CTNNA3: variants seen among roughly 807,000 people sequenced by gnomAD.
CTNNA3 encodes the protein catenin alpha-3.
In CTNNA3, 76 loss-of-function variants were observed where a neutral mutation model predicts 95.7. That is an observed-to-expected ratio of 0.79 (90% CI 0.66 to 0.96). The LOEUF (loss-of-function observed/expected upper bound fraction) is 0.96. Among genes scored for constraint, CTNNA3 ranks in the 40% least tolerant of loss-of-function variants. CTNNA3 has a pLI of 0.00. For missense variants in CTNNA3, 1,191 were observed against 1,089.8 expected, an observed-to-expected ratio of 1.09 and a Z score of -1.31; for synonymous variants, 431 against 374.4, an observed-to-expected ratio of 1.15 and a Z score of -1.74.
chr10:67,190,971 AGAAAATAAGCATAT>A (rs1390437070), intron 6 of CTNNA3, among the ~76,000 whole-genome samples: 2 of 152,118 alleles, frequency 1.3e-5, no homozygotes, highest in African/African-American at 4.8e-5. Flanking sequence ...ATATACAGAT[AGAAAATAAGCATAT>A]GAAAATAAGC....
At chr10:67,664,588 T>TA (rs918373067) in intron 1 of CTNNA3, among the ~76,000 whole-genome samples, 92 of 152,278 alleles carry the variant, frequency 6.0e-4, no homozygotes, top group Non-Finnish European at 1.1e-3. Flanking sequence ...TTTTTTTTCT[T>TA]ACTCCTGGCT....
intron 3 of CTNNA3, among the ~76,000 whole-genome samples, chr10:67,574,194 C>T (rs1298638723): frequency 6.6e-6 from 1 of 152,166 alleles, no homozygotes; most frequent in Non-Finnish European, 1.5e-5. Context: ...GTCCCACAAT[C>T]TGGAGGAAGC....
At chr10:67,231,769 T>A (rs748847594) in intron 5 of CTNNA3, among the ~76,000 whole-genome samples, 76 of 151,924 alleles carry the variant, frequency 5.0e-4, no homozygotes, top group Non-Finnish European at 9.3e-4. Flanking sequence ...TTGAAAAAAA[T>A]TTAGAAGAAT....
chr10:67,259,491 G>A (rs137966821), intron 5 of CTNNA3, among the ~76,000 whole-genome samples: 52 of 152,138 alleles, frequency 3.4e-4, no homozygotes, highest in African/African-American at 1.2e-3. Context: ...AAGTTAACAA[G>A]ACCTGAGCTA....
intron 5 of CTNNA3, among the ~76,000 whole-genome samples, chr10:67,265,002 T>A (rs1014457581): frequency 2.6e-5 from 4 of 152,200 alleles, no homozygotes; most frequent in African/African-American, 7.2e-5. Flanking sequence ...ACTACTTTAA[T>A]AGGATTTTCT....
chr10:67,123,020 T>G (rs1859542546), intron 7 of CTNNA3, among the ~76,000 whole-genome samples: 3 of 152,150 alleles, frequency 2.0e-5, no homozygotes, highest in Non-Finnish European at 4.4e-5. Flanking sequence ...ATTAGTGTAT[T>G]CTAGTCTAAT....
chr10:66,320,174 C>T (rs534738919), intron 12 of CTNNA3, among the ~76,000 whole-genome samples: 2 of 152,192 alleles, frequency 1.3e-5, no homozygotes, highest in African/African-American at 2.4e-5. Flanking sequence ...CTATCATCTT[C>T]ATTTTGAATA....
At chr10:66,391,274 G>A (rs575889561) in intron 11 of CTNNA3, among the ~76,000 whole-genome samples, 1 of 143,162 alleles carries the variant, frequency 7.0e-6, no homozygotes, top group African/African-American at 2.8e-5. Flanking sequence ...AAACTCTGCA[G>A]CACTTATTCA....
At chr10:67,229,362 T>C (rs1589053679) in intron 5 of CTNNA3, among the ~76,000 whole-genome samples, 2 of 152,118 alleles carry the variant, frequency 1.3e-5, no homozygotes, top group Middle Eastern at 3.4e-3. Context: ...GTCAACATTA[T>C]ACTGAATGGG....
intron 13 of CTNNA3, among the ~76,000 whole-genome samples, chr10:66,237,585 T>C (rs1171353613): frequency 6.6e-6 from 1 of 151,968 alleles, no homozygotes; most frequent in East Asian, 1.9e-4. Context: ...AAAAGGGGTG[T>C]GAATATGTAG....
At chr10:65,993,399 A>G (rs890506251) in intron 15 of CTNNA3, among the ~76,000 whole-genome samples, 3 of 152,082 alleles carry the variant, frequency 2.0e-5, no homozygotes, top group Non-Finnish European at 4.4e-5. Context: ...ATGTAATAAT[A>G]TTTGCTTCAT....
In CTNNA3 at chr10:66,090,893, T is replaced by C. The variant is rs185101899; in HGVS notation, c.1977+12264A>G. 3.0e-3 allele frequency among the ~76,000 whole-genome samples: 460 copies of C among 152,114 alleles called. 3 individuals are homozygous for C. The highest frequency in any genetic ancestry group is 5.1e-3 in the Non-Finnish European group (349 of 67,922). ...TAAATGTAAGTTAGAAGTTACTCAC[T>C]GATTAAAAATATGAATATAAAAATA... On this transcript the variant is annotated intron_variant, in intron 14 of 17. Coordinates refer to ENST00000433211, the MANE Select transcript of CTNNA3 (RefSeq NM_013266.4).
chr10:66,901,262 T>C (rs180825302), intron 7 of CTNNA3, among the ~76,000 whole-genome samples: 140 of 152,328 alleles, frequency 9.2e-4, no homozygotes, highest in African/African-American at 3.2e-3. Context: ...CAGAATTTCA[T>C]ATCAAGACAA....
At chr10:66,025,972 C>T (rs2079325294) in intron 15 of CTNNA3, among the ~76,000 whole-genome samples, 1 of 152,198 alleles carries the variant, frequency 6.6e-6, no homozygotes, top group Admixed American at 6.5e-5. Flanking sequence ...CACACTCAAG[C>T]TAAAAATCAA....
chr10:67,384,508 T>G (rs1318346230), intron 5 of CTNNA3, among the ~76,000 whole-genome samples: 1 of 152,178 alleles, frequency 6.6e-6, no homozygotes, highest in Admixed American at 6.5e-5. Flanking sequence ...AGTTACATGT[T>G]TGCATTCTTC....
chr10:66,013,961 G>A (rs1220806222), intron 15 of CTNNA3, among the ~76,000 whole-genome samples: 2 of 152,122 alleles, frequency 1.3e-5, no homozygotes, highest in Admixed American at 1.3e-4. Context: ...CCTGTCAAGT[G>A]TATTAATACT....
intron 10 of CTNNA3, among the ~76,000 whole-genome samples, chr10:66,566,983 G>A (rs1842725639): frequency 6.8e-6 from 1 of 147,600 alleles, no homozygotes; most frequent in Admixed American, 6.8e-5. Flanking sequence ...GGGAGAAGAG[G>A]ATGGTAGGGG....
intron 11 of CTNNA3, among the ~76,000 whole-genome samples, chr10:66,384,507 C>A (rs1450825575): frequency 6.6e-6 from 1 of 152,084 alleles, no homozygotes; most frequent in Non-Finnish European, 1.5e-5. Flanking sequence ...CTTTAACACC[C>A]CACTGTCAAT....
intron 5 of CTNNA3, among the ~76,000 whole-genome samples, chr10:67,389,234 A>C (rs1315283301): frequency 1.3e-5 from 2 of 151,796 alleles, no homozygotes; most frequent in African/African-American, 4.8e-5. Context: ...AGCAAATGGA[A>C]AACAAAAAAA....
Sources: allele counts gnomAD v4.1 joint callset (sites outside exome capture counted in the v4.1 genomes callset), GRCh38; gene constraint gnomAD v4.1.1; transcripts MANE v1.5; gene names NCBI Gene and HGNC (gene_info 2026-07-23, HGNC 2026-07-21).